Variants in FOXP4 observed in about 807,000 individuals in gnomAD.
The protein encoded by FOXP4 is forkhead box protein P4.
A neutral mutation model predicts 82.6 loss-of-function variants in FOXP4; 25 were observed. The ratio of observed to expected loss-of-function variants is 0.30; its 90% CI spans 0.22 to 0.42. FOXP4 has a LOEUF of 0.42. FOXP4 is among the 10% of genes least tolerant of loss of function. The pLI, the probability that FOXP4 is intolerant of heterozygous loss-of-function variation, is 1.00. For synonymous variants in FOXP4, 415 were observed against 388.2 expected (o/e 1.07, Z -0.81); for missense variants, 785 against 900.9 (o/e 0.87, Z 1.65).
At chr6:41,549,650 C>T (rs1763883221) in intron 1 of FOXP4, among the ~76,000 whole-genome samples, 1 of 149,320 alleles carries the variant, frequency 6.7e-6, no homozygotes, top group South Asian at 2.1e-4. Context: ...AGGCTGAGTA[C>T]TGGGGTACCC....
intron 1 of FOXP4, among the ~76,000 whole-genome samples, chr6:41,549,399 T>C (rs556042442): frequency 6.6e-6 from 1 of 152,132 alleles, no homozygotes; most frequent in South Asian, 2.1e-4. Flanking sequence ...GTAGGGATCT[T>C]CCTCACACCT....
At chr6:41,592,209 C>G (rs1043863231) in intron 13 of FOXP4, among the ~76,000 whole-genome samples, 7 of 152,172 alleles carry the variant, frequency 4.6e-5, no homozygotes. Context: ...CTACCTCCCC[C>G]AATCCCACTA....
Position 41,591,430 on chromosome 6 carries a change from C to G in FOXP4, c.1536+108C>G. The G allele has an allele frequency of 2.1e-6, 2 of 960,484 alleles. No homozygotes were observed. Among genetic ancestry groups the G allele is most frequent in the East Asian group, 2.6e-5 (1 of 38,048 alleles). 59.5% of individuals were successfully genotyped at this position (960,484 alleles called of 1,614,324 possible). A position where few individuals can be genotyped will look rare whatever the true frequency, so the allele number is the denominator to read the frequency against. On this transcript the variant is annotated intron_variant, in intron 13 of 16. Coordinates refer to ENST00000307972, the MANE Select transcript of FOXP4 (RefSeq NM_001012426.2). This position sits in a 1 kb window ranked among gnomAD's most constrained non-coding sequence, Gnocchi z 4.2. ...TTAGTTCCCTAAACCATTAGTCCTG[C>G]AGAAACAGCCACCCAAGGGCCCAGC...
At chr6:41,587,597 GA>G in intron 7 of FOXP4, 85 bp downstream of exon 7, 2 of 1,198,274 alleles carry the variant, frequency 1.7e-6, no homozygotes, top group South Asian at 3.0e-5. Context: ...GACTGTGAGG[GA>G]GGGGGTGGAG....
chr6:41,587,605 G>A (rs761269429), intron 7 of FOXP4, 93 bp downstream of exon 7: 1 of 1,126,260 alleles, frequency 8.9e-7, no homozygotes, highest in Non-Finnish European at 1.3e-6. Context: ...GGGAGGGGGT[G>A]GAGCCCACGG....
intron 2 of FOXP4, among the ~76,000 whole-genome samples, chr6:41,572,270 C>G (rs1236675934): frequency 6.6e-6 from 1 of 152,178 alleles, no homozygotes; most frequent in Non-Finnish European, 1.5e-5. Context: ...GATGTTGTGT[C>G]TCCTCAGAGA....
At chr6:41,575,167 A>G (rs955334886) in intron 2 of FOXP4, among the ~76,000 whole-genome samples, 1 of 151,982 alleles carries the variant, frequency 6.6e-6, no homozygotes, top group African/African-American at 2.4e-5. Flanking sequence ...ACGGGGTTTC[A>G]CCATGTTAGC....
intron 1 of FOXP4, among the ~76,000 whole-genome samples, chr6:41,559,771 A>G (rs927683267): frequency 1.3e-5 from 2 of 152,218 alleles, no homozygotes; most frequent in African/African-American, 4.8e-5. Context: ...GTTAGTGTTC[A>G]TCATTGGAGC....
chr6:41,585,348 C>T (rs1766044911), intron 4 of FOXP4, 83 bp from the exon 5 acceptor site: 3 of 1,371,954 alleles, frequency 2.2e-6, no homozygotes, highest in Non-Finnish European at 3.0e-6. Flanking sequence ...CCTTCTCCTG[C>T]CCCCAGGAGC....
At chr6:41,550,644 C>A (rs1763945789) in intron 1 of FOXP4, among the ~76,000 whole-genome samples, 1 of 152,218 alleles carries the variant, frequency 6.6e-6, no homozygotes, top group African/African-American at 2.4e-5. Flanking sequence ...CTCCTTCCTC[C>A]ATAAGCTTGG....
Position 41,597,806 on chromosome 6 carries a change from CCCT to C in FOXP4, c.1756_1758del (p.Leu586del), listed in dbSNP as rs759113980. 6.0e-5 allele frequency: 97 copies of C among 1,607,610 alleles called. 1 individual carries two copies. Among genetic ancestry groups the C allele is most frequent in the Middle Eastern group, 1.7e-4 (1 of 5,938 alleles). On this transcript the variant is annotated inframe_deletion, in exon 16 of 17. Coordinates refer to ENST00000307972, the MANE Select transcript of FOXP4 (RefSeq NM_001012426.2). ...GCCGCCCTGGCCGAGAGCAGCTTCC[CCCT>C]CCTCAACAGCCCTGGCATGCTGAAC...
chr6:41,596,684 G>A (rs769535721), intron 14 of FOXP4, among the ~76,000 whole-genome samples: 1 of 152,088 alleles, frequency 6.6e-6, no homozygotes, highest in African/African-American at 2.4e-5. Context: ...GAAGCCTTCT[G>A]TATGGAGGCT....
chr6:41,597,853 C>T lies in FOXP4; in HGVS notation c.1798C>T (p.Leu600=). ...GMLNPGSASS[L]LPLSHDDVGA... is the part of the protein sequence containing the mutation. ...GCTGAACCCTGGCTCCGCCAGCAGC[C>T]TGCTGCCCCTCAGCCACGATGACGT... Residue 600 remains leucine, a synonymous_variant, in exon 16 of 17, where the codon CTG becomes TTG. Transcript: ENST00000307972. 2 of 1,602,230 alleles carry T rather than the reference C, an allele frequency of 1.2e-6. No homozygotes were observed. Among genetic ancestry groups the T allele is most frequent in the Non-Finnish European group, 1.7e-6 (2 of 1,177,904 alleles).
At chr6:41,565,554 A>T (rs780763715) in intron 1 of FOXP4, among the ~76,000 whole-genome samples, 191 bp from the exon 2 acceptor site, 3 of 151,936 alleles carry the variant, frequency 2.0e-5, no homozygotes, top group Non-Finnish European at 4.4e-5. Flanking sequence ...GTGTGGAGCC[A>T]CCCCTCACCT....
chr6:41,555,255 A>G (rs1764211912), intron 1 of FOXP4, among the ~76,000 whole-genome samples: 1 of 152,168 alleles, frequency 6.6e-6, no homozygotes, highest in African/African-American at 2.4e-5. Context: ...TGTCTCAAAA[A>G]AAAAAAGAAC....
At position 41,591,315 on chromosome 6, in the gene FOXP4, C is replaced by G; in HGVS notation, c.1529C>G (p.Thr510Ser). Reference protein sequence around the residue: ...MFAYFRRNTATWKNAVRHNLS... With the variant: ...MFAYFRRNTASWKNAVRHNLS... ...GCCTATTTCCGCAGAAACACTGCCA[C>G]CTGGAAGGTGAAGCAGGCCCCTTCC... Residue 510 changes from threonine to serine, a missense_variant, in exon 13 of 17, where the codon ACC (threonine) becomes AGC (serine). Thr to Ser is a moderately conservative substitution (Grantham distance 58). Coordinates refer to ENST00000307972, the MANE Select transcript of FOXP4 (RefSeq NM_001012426.2). The surrounding 1 kb of genome is among the most constrained non-coding windows in gnomAD (Gnocchi z 4.2). 6.3e-7 allele frequency: 1 copy of G among 1,598,806 alleles called. No homozygotes were observed. The highest frequency in any genetic ancestry group is 8.5e-7 in the Non-Finnish European group (1 of 1,172,010).
In FOXP4 at chr6:41,597,795, G is replaced by A; in HGVS notation, c.1740G>A (p.Glu580=). 6.2e-7 allele frequency: 1 copy of A among 1,607,386 alleles called. No individual in the cohort carries two copies. Among genetic ancestry groups the A allele is most frequent in the Non-Finnish European group, 8.5e-7 (1 of 1,179,308 alleles). ...TGCCCCTGCAGGCCGCCCTGGCCGAGAGCAGCTTCCCCCTCCTCAACAGCC... is the reference window on the plus strand; with the variant it reads ...TGCCCCTGCAGGCCGCCCTGGCCGAAAGCAGCTTCCCCCTCCTCAACAGCC... ...LNASYQAALA[E]SSFPLLNSPG... is the part of the protein sequence containing the mutation. The change falls in exon 16 of 17, where the codon GAG becomes GAA. Residue 580 remains glutamate (E), a synonymous_variant. Coordinates refer to ENST00000307972, the MANE Select transcript of FOXP4 (RefSeq NM_001012426.2).
At chr6:41,592,743 A>G (rs1027040379) in intron 13 of FOXP4, among the ~76,000 whole-genome samples, 10 of 151,528 alleles carry the variant, frequency 6.6e-5, no homozygotes, top group African/African-American at 2.2e-4. Context: ...CCCTGCTGCA[A>G]TTTTCTAATT....
Position 41,587,435 on chromosome 6 carries a change from C to A in FOXP4, c.795C>A (p.Pro265=). ...TAATATSFAA[P]PKVSPPLSHH... is the part of the protein sequence containing the mutation. ...CCACCGCTACCTCGTTTGCCGCTCCCCCCAAGGTCTCACCCCCCCTCTCCC... is the reference window on the plus strand; with the variant it reads ...CCACCGCTACCTCGTTTGCCGCTCCACCCAAGGTCTCACCCCCCCTCTCCC... Residue 265 remains proline, a synonymous_variant, in exon 7 of 17, where the codon CCC becomes CCA. Transcript: ENST00000307972. The A allele has an allele frequency of 6.4e-7, 1 of 1,570,632 alleles. No homozygotes were observed. The highest frequency in any genetic ancestry group is 8.6e-7 in the Non-Finnish European group (1 of 1,157,828).
Sources: gnomAD v4.1 joint callset for allele counts (sites outside exome capture counted in the v4.1 genomes callset) on GRCh38, gnomAD v4.1.1 for gene constraint, Gnocchi (gnomAD v3.1) non-coding constraint, MANE v1.5 for transcripts, NCBI Gene and HGNC (gene_info 2026-07-23, HGNC 2026-07-21) for gene names.